Variants in GLB1 observed in about 807,000 individuals in gnomAD.
GLB1 encodes beta-galactosidase.
Under a neutral mutation model 74.0 loss-of-function variants are expected in GLB1, and 56 were observed. The ratio of observed to expected loss-of-function variants is 0.76; its 90% CI spans 0.61 to 0.94. GLB1 has a LOEUF of 0.94. GLB1 is among the 40% of genes least tolerant of loss of function. GLB1 has a pLI of 0.00. For synonymous variants in GLB1, 323 were observed against 323.6 expected, an observed-to-expected ratio of 1.00 and a Z score of 0.02; for missense variants, 787 against 845.5, an observed-to-expected ratio of 0.93 and a Z score of 0.86.
chr3:33,072,529 T>G lies in GLB1; in HGVS notation c.245+15A>C, dbSNP rs748945568. ...TGTTCAGGCCTAGGTGAGAGCCACA[T>G]GCCCTCCTACTTACGTCTGGATGGC... On this transcript the variant is annotated intron_variant, in intron 2 of 15. Coordinates refer to ENST00000307363, the MANE Select transcript of GLB1 (RefSeq NM_000404.4). 1 of 1,612,722 alleles carries G rather than the reference T, an allele frequency of 6.2e-7. No individual in the cohort carries two copies. The highest frequency in any genetic ancestry group is 1.1e-5 in the South Asian group (1 of 91,018).
chr3:33,082,356 C>G (rs2125568618), intron 1 of GLB1, among the ~76,000 whole-genome samples: 2 of 152,326 alleles, frequency 1.3e-5, no homozygotes, highest in Middle Eastern at 6.8e-3. Context: ...TAGGAGCCAT[C>G]ATGGATCAAG....
At chr3:33,016,660 TAA>T in intron 14 of GLB1, 47 bp downstream of exon 14, 1 of 1,610,230 alleles carries the variant, frequency 6.2e-7, no homozygotes, top group Non-Finnish European at 8.5e-7. Context: ...CTTCAACTTC[TAA>T]GTTGTCACCC....
chr3:33,046,698 T>C (rs1698756548), intron 9 of GLB1, among the ~76,000 whole-genome samples: 1 of 152,110 alleles, frequency 6.6e-6, no homozygotes, highest in African/African-American at 2.4e-5. Context: ...AGGCCATGGA[T>C]CAGCAGAAAA....
chr3:33,034,625 A>C, intron 10 of GLB1: 1 of 726,030 alleles, frequency 1.4e-6, no homozygotes, highest in Admixed American at 1.9e-5. Context: ...GCACAAGTTC[A>C]ATGATGTCAT....
the GLB1 span, among the ~76,000 whole-genome samples, chr3:32,967,395 C>T: frequency 1.8e-4 from 28 of 152,126 alleles, no homozygotes; most frequent in Non-Finnish European, 3.8e-4. Context: ...GGTGAAACCT[C>T]GTCTCTACTA....
intron 7 of GLB1, 21 bp downstream of exon 7, chr3:33,053,470 C>T (rs1353315096): frequency 1.5e-5 from 24 of 1,614,070 alleles, no homozygotes; most frequent in Non-Finnish European, 1.9e-5. Context: ...TGCAAACACA[C>T]ACCTCACCCT....
downstream of GLB1, among the ~76,000 whole-genome samples, chr3:32,991,829 G>A (rs116114150): frequency 5.8e-3 from 884 of 152,308 alleles, 12 homozygotes; most frequent in African/African-American, 0.02. Flanking sequence ...AAGCCCCAAC[G>A]TCACAGAACA....
At chr3:33,051,459 A>G (rs1462754205) in intron 9 of GLB1, among the ~76,000 whole-genome samples, 1 of 151,192 alleles carries the variant, frequency 6.6e-6, no homozygotes, top group Non-Finnish European at 1.5e-5. Flanking sequence ...TTAGCCAGGC[A>G]TGGTGGTGCA....
At chr3:33,031,634 A>AAT (rs1698023100) in intron 10 of GLB1, among the ~76,000 whole-genome samples, 7 of 64,190 alleles carry the variant, frequency 1.1e-4, no homozygotes, top group African/African-American at 3.8e-4. Context: ...AAAAAAAAAA[A>AAT]AAAAAAATAT....
intron 15 of GLB1, among the ~76,000 whole-genome samples, chr3:33,009,281 C>T (rs6767833): frequency 0.94 from 142,296 of 152,134 alleles, 67,264 homozygotes; most frequent in East Asian, 1. Flanking sequence ...CCCAGCACTT[C>T]GGGAGGCCAA....
At chr3:33,070,990 A>G (rs1013184590) in intron 2 of GLB1, among the ~76,000 whole-genome samples, 6 of 152,214 alleles carry the variant, frequency 3.9e-5, no homozygotes, top group Admixed American at 3.3e-4. Context: ...AAAAACTCCA[A>G]GCCCTAGATC....
At chr3:32,978,597 G>T in the GLB1 span, among the ~76,000 whole-genome samples, 1 of 152,154 alleles carries the variant, frequency 6.6e-6, no homozygotes, top group African/African-American at 2.4e-5. Context: ...TCGGCAGAGA[G>T]AGGCAGCAGT....
rs372226594 is a variant in GLB1 at position 33,086,328 on chromosome 3, C to T, written c.75+10683G>A. On this transcript the variant is annotated intron_variant, in intron 1 of 15. Coordinates refer to ENST00000307363, the MANE Select transcript of GLB1 (RefSeq NM_000404.4). ...GTGAAAGAATCTGGTATCTGTCTTG[C>T]CTTTGTTATAGGCTTTTTCAGAGTA... Among the ~76,000 whole-genome samples the T allele has an allele frequency of 2.2e-3, 335 of 151,946 alleles. 2 individuals carry two copies. The highest frequency in any genetic ancestry group is 7.8e-3 in the African/African-American group (323 of 41,452).
intron 6 of GLB1, among the ~76,000 whole-genome samples, chr3:33,057,045 T>C (rs951612456): frequency 6.6e-6 from 1 of 152,194 alleles, no homozygotes; most frequent in African/African-American, 2.4e-5. Flanking sequence ...GTGTTGGAGG[T>C]AGGGCCTGGT....
chr3:32,987,745 T>G, the GLB1 span, among the ~76,000 whole-genome samples: 1 of 152,230 alleles, frequency 6.6e-6, no homozygotes. Flanking sequence ...TGGTTATCAT[T>G]TTATTCTCAA....
rs149090932 is a variant in GLB1 at position 33,008,841 on chromosome 3, C to T, written c.1734+5215G>A. On this transcript the variant is annotated intron_variant, in intron 15 of 15. Coordinates refer to ENST00000307363, the MANE Select transcript of GLB1 (RefSeq NM_000404.4). The stretch of plus-strand genomic sequence containing the variant: ...ACTCTTAAAAAAAGATCGTGGTGGC[C>T]GGGCGCAGTGGTTCACGCCTGTAAT... Among the ~76,000 whole-genome samples the T allele has an allele frequency of 4.3e-3, 648 of 152,216 alleles. 1 individual carries two copies. The highest frequency in any genetic ancestry group is 6.9e-3 in the African/African-American group (285 of 41,550).
chr3:33,078,103 G>T (rs1352884274), intron 1 of GLB1, among the ~76,000 whole-genome samples: 1 of 152,076 alleles, frequency 6.6e-6, no homozygotes, highest in African/African-American at 2.4e-5. Context: ...AAATTAGCTG[G>T]TGTGGTGGCA....
chr3:33,091,131 C>T, intron 1 of GLB1: 3 of 985,318 alleles, frequency 3.0e-6, no homozygotes, highest in Non-Finnish European at 3.6e-6. Context: ...AAGGATGATT[C>T]ACAAAATGCG....
At chr3:32,985,841 G>C in the GLB1 span, among the ~76,000 whole-genome samples, 1 of 151,990 alleles carries the variant, frequency 6.6e-6, no homozygotes, top group South Asian at 2.1e-4. Context: ...AAGTAGCTGG[G>C]CTGGGACTAC....
Sources: gnomAD v4.1 joint callset for allele counts (sites outside exome capture counted in the v4.1 genomes callset) on GRCh38, gnomAD v4.1.1 for gene constraint, MANE v1.5 for transcripts, NCBI Gene and HGNC (gene_info 2026-07-23, HGNC 2026-07-21) for gene names.